Variants in MAPKAPK3 observed in about 807,000 individuals in gnomAD.
MAPKAPK3 encodes the protein MAP kinase-activated protein kinase 3.
In MAPKAPK3, 35 loss-of-function variants were observed where a neutral mutation model predicts 49.2. The observed-to-expected ratio is 0.71, with a 90% CI of 0.54 to 0.94. The LOEUF is 0.94. Among genes scored for constraint, MAPKAPK3 ranks in the 40% least tolerant of loss-of-function variants. The probability of loss-of-function intolerance (pLI) is 0.00; values close to 1 mark genes in which losing one functional copy is unlikely to be tolerated. For synonymous variants in MAPKAPK3, 178 were observed against 188.7 expected (o/e 0.94, Z 0.46); for missense variants, 398 against 493.1 (o/e 0.81, Z 1.83).
intron 3 of MAPKAPK3, 147 bp downstream of exon 3, chr3:50,640,652 G>A (rs919357706): frequency 4.8e-5 from 47 of 978,944 alleles, no homozygotes; most frequent in Admixed American, 2.2e-4. Flanking sequence ...GCAGGCAGCC[G>A]CAGGCCCTGC....
rs780052477 is a variant in MAPKAPK3 at position 50,647,914 on chromosome 3, G to A, written c.1017G>A (p.Leu339=). The part of the protein sequence containing the change: ...DEVKEEMTSA[L]ATMRVDYDQV... ...CCCAGGAGGAGATGACCAGTGCCTTGGCCACTATGCGGGTAGACTACGACC... is the reference window on the plus strand; with the variant it reads ...CCCAGGAGGAGATGACCAGTGCCTTAGCCACTATGCGGGTAGACTACGACC... Residue 339 remains leucine (L), a synonymous_variant, in exon 11 of 11, where the codon TTG becomes TTA. Transcript: ENST00000621469. The A allele has an allele frequency of 1.2e-6, 2 of 1,613,574 alleles. No individual in the cohort carries two copies. Among genetic ancestry groups the A allele is most frequent in the Non-Finnish European group, 8.5e-7 (1 of 1,179,834 alleles).
At chr3:50,641,655 G>A in intron 3 of MAPKAPK3, 52 bp from the exon 4 acceptor site, 1 of 1,445,162 alleles carries the variant, frequency 6.9e-7, no homozygotes, top group Admixed American at 1.7e-5. Flanking sequence ...AGGGGCAAGG[G>A]TAGGATGATG....
upstream of MAPKAPK3, among the ~76,000 whole-genome samples, chr3:50,613,285 G>A (rs1420674524): frequency 3.9e-5 from 6 of 152,190 alleles, no homozygotes; most frequent in African/African-American, 1.4e-4. Flanking sequence ...GAATGGCAGA[G>A]GGCAAAAGAA....
intron 2 of MAPKAPK3, among the ~76,000 whole-genome samples, chr3:50,622,236 A>G (rs2032626994): frequency 6.6e-6 from 1 of 152,200 alleles, no homozygotes; most frequent in African/African-American, 2.4e-5. Context: ...GAGATCTCAC[A>G]GGGATTTGAG....
At chr3:50,631,514 C>T (rs1366359935) in intron 2 of MAPKAPK3, among the ~76,000 whole-genome samples, 1 of 152,256 alleles carries the variant, frequency 6.6e-6, no homozygotes, top group African/African-American at 2.4e-5. Flanking sequence ...AAGGGTCACA[C>T]TGGCTGGCAG....
At chr3:50,617,434 G>A in intron 1 of MAPKAPK3, 80 bp from the exon 2 acceptor site, 1 of 607,634 alleles carries the variant, frequency 1.6e-6, no homozygotes, top group Non-Finnish European at 2.9e-6. Flanking sequence ...CGGGCTCGCA[G>A]CCCAGCCCAG....
At chr3:50,623,742 C>A (rs1055610373) in intron 2 of MAPKAPK3, among the ~76,000 whole-genome samples, 1 of 152,208 alleles carries the variant, frequency 6.6e-6, no homozygotes, top group African/African-American at 2.4e-5. Flanking sequence ...TGAGCCTAGG[C>A]AGTTTGATGC....
chr3:50,646,003 G>A (rs1197145248), intron 7 of MAPKAPK3, 137 bp from the exon 8 acceptor site: 1 of 1,214,936 alleles, frequency 8.2e-7, no homozygotes, highest in East Asian at 2.3e-5. Context: ...CCTGGGATGT[G>A]CCTGGGAGTC....
chr3:50,616,138 T>A (rs1344577887), upstream of MAPKAPK3, among the ~76,000 whole-genome samples: 2 of 152,194 alleles, frequency 1.3e-5, no homozygotes, highest in Non-Finnish European at 2.9e-5. Flanking sequence ...GCAGAGCCCC[T>A]GCGCTGAGCC....
intron 10 of MAPKAPK3, 134 bp from the exon 11 acceptor site, chr3:50,647,760 T>G: frequency 1.2e-6 from 1 of 817,608 alleles, no homozygotes; most frequent in Non-Finnish European, 2.0e-6. Context: ...CTTGGCCCAG[T>G]GCTGGGCACA....
At chr3:50,625,650 C>A (rs1292855310) in intron 2 of MAPKAPK3, among the ~76,000 whole-genome samples, 1 of 152,120 alleles carries the variant, frequency 6.6e-6, no homozygotes, top group East Asian at 1.9e-4. Context: ...GTCTTTGCTG[C>A]CTTCTCCTCA....
intron 2 of MAPKAPK3, 21 bp downstream of exon 2, chr3:50,617,805 G>A (rs1388437003): frequency 1.3e-6 from 2 of 1,587,602 alleles, no homozygotes; most frequent in South Asian, 2.2e-5. Context: ...CCTCACTGAG[G>A]CCTGGGGTAT....
intron 2 of MAPKAPK3, among the ~76,000 whole-genome samples, chr3:50,632,353 G>A (rs1420621612): frequency 6.6e-6 from 1 of 152,358 alleles, no homozygotes; most frequent in South Asian, 2.1e-4. Context: ...CTCATTTATA[G>A]TTATGAACTT....
intron 2 of MAPKAPK3, among the ~76,000 whole-genome samples, chr3:50,638,323 C>T (rs1197523928): frequency 6.6e-6 from 1 of 152,088 alleles, no homozygotes; most frequent in Non-Finnish European, 1.5e-5. Context: ...TTGGGGTACC[C>T]CTAGCTAGGG....
At chr3:50,626,573 G>T (rs1280178107) in intron 2 of MAPKAPK3, among the ~76,000 whole-genome samples, 1 of 152,158 alleles carries the variant, frequency 6.6e-6, no homozygotes, top group Non-Finnish European at 1.5e-5. Context: ...AACATTAACA[G>T]CCCCCTTCTC....
intron 2 of MAPKAPK3, among the ~76,000 whole-genome samples, chr3:50,627,811 G>A (rs543351431): frequency 3.3e-5 from 5 of 152,274 alleles, no homozygotes; most frequent in Admixed American, 1.3e-4. Flanking sequence ...GGCTGAACGT[G>A]AGCAGGAGGG....
upstream of MAPKAPK3, among the ~76,000 whole-genome samples, chr3:50,616,850 C>T (rs2032475931): frequency 6.6e-6 from 1 of 151,984 alleles, no homozygotes; most frequent in Non-Finnish European, 1.5e-5. Flanking sequence ...ATAAGACGTC[C>T]TGCGCTGTCA....
At position 50,644,684 on chromosome 3, in the gene MAPKAPK3, G is replaced by A. The variant is rs1441373584; in HGVS notation, c.628+152G>A. The A allele has an allele frequency of 9.5e-6, 7 of 735,784 alleles. No homozygotes were observed. In the South Asian group the frequency reaches 1.4e-4, roughly 15 times the overall value. The allele number at this position is 735,784 out of a possible 1,614,324, so 45.6% of individuals were successfully genotyped here. On this transcript the variant is annotated intron_variant, in intron 6 of 10. Coordinates refer to ENST00000621469, the MANE Select transcript of MAPKAPK3 (RefSeq NM_001243925.2). The stretch of plus-strand genomic sequence containing the variant: ...TGCATGGAGGCGGGTGACGTGGGGG[G>A]CCGGAGGCTGCAAAAATATTCTCCC...
intron 2 of MAPKAPK3, among the ~76,000 whole-genome samples, chr3:50,620,329 CG>C (rs1282881294): frequency 6.6e-6 from 1 of 152,032 alleles, no homozygotes; most frequent in Non-Finnish European, 1.5e-5. Flanking sequence ...GCCCTCTCCC[CG>C]CAGTTGCCCC....
Sources: allele counts gnomAD v4.1 joint callset (sites outside exome capture counted in the v4.1 genomes callset), GRCh38; gene constraint gnomAD v4.1.1; transcripts MANE v1.5; gene names NCBI Gene and HGNC (gene_info 2026-07-23, HGNC 2026-07-21).